Variants in SYT14 observed in about 807,000 individuals in gnomAD.
The protein encoded by SYT14 is synaptotagmin 14, also known as synaptotagmin-14.
Under a neutral mutation model 74.2 loss-of-function variants are expected in SYT14, and 32 were observed. The observed-to-expected ratio is 0.43, with a 90% CI of 0.33 to 0.58. The LOEUF is 0.58. Ranked by LOEUF, SYT14 falls within the 20% of genes least tolerant of loss-of-function variation. The pLI is 0.05. For synonymous variants in SYT14, 298 were observed against 337.7 expected, an observed-to-expected ratio of 0.88 and a Z score of 1.29; for missense variants, 791 against 981.8, an observed-to-expected ratio of 0.81 and a Z score of 2.60.
intron 5 of SYT14, among the ~76,000 whole-genome samples, chr1:210,059,803 C>T (rs1018027643): frequency 6.6e-6 from 1 of 152,086 alleles, no homozygotes; most frequent in Non-Finnish European, 1.5e-5. Flanking sequence ...TGGATTGTTA[C>T]ATTCACTTCA....
chr1:209,954,769 G>A (rs369024079), intron 2 of SYT14, among the ~76,000 whole-genome samples: 26 of 150,254 alleles, frequency 1.7e-4, no homozygotes, highest in African/African-American at 5.4e-4. Flanking sequence ...GCAGTGGTAC[G>A]ATCTTGGCCC....
intron 5 of SYT14, among the ~76,000 whole-genome samples, chr1:210,037,363 C>A (rs1358812494): frequency 2.6e-5 from 4 of 151,854 alleles, no homozygotes; most frequent in Non-Finnish European, 4.4e-5. Context: ...TTTTGATTAT[C>A]TTTTCAAAGA....
intron 5 of SYT14, among the ~76,000 whole-genome samples, chr1:210,035,734 C>G (rs1438593265): frequency 1.3e-5 from 2 of 151,728 alleles, no homozygotes. Flanking sequence ...TCAGTTATTT[C>G]TGGGTTCTCT....
intron 5 of SYT14, among the ~76,000 whole-genome samples, chr1:210,031,089 C>CTTTTT (rs35900057): frequency 7.7e-5 from 8 of 104,316 alleles, no homozygotes; most frequent in African/African-American, 1.1e-4. Flanking sequence ...CCATGCCTGT[C>CTTTTT]TTTTTTTTTT....
intron 2 of SYT14, among the ~76,000 whole-genome samples, chr1:210,001,814 G>A (rs1218068614): frequency 1.3e-5 from 2 of 152,086 alleles, no homozygotes; most frequent in Admixed American, 1.3e-4. Flanking sequence ...AGCAGAGGGG[G>A]AACATCCAGG....
At chr1:210,135,803 G>C (rs571978321) in intron 7 of SYT14, among the ~76,000 whole-genome samples, 5 of 152,174 alleles carry the variant, frequency 3.3e-5, no homozygotes, top group African/African-American at 1.2e-4. Flanking sequence ...TAGAAAACTA[G>C]ACATTGTTTA....
At chr1:210,126,061 T>C (rs2082562642) in intron 7 of SYT14, among the ~76,000 whole-genome samples, 1 of 151,990 alleles carries the variant, frequency 6.6e-6, no homozygotes, top group Admixed American at 6.6e-5. Flanking sequence ...AAATTCACTG[T>C]GTGTGGTGGT....
rs144715068 is a variant in SYT14 at position 210,022,202 on chromosome 1, T to C, written c.1312+948T>C. On this transcript the variant is annotated intron_variant, in intron 5 of 9. Coordinates refer to ENST00000637265, the Ensembl canonical transcript of SYT14. ...GATGACTTAAAGTTTTATCCCAGCATGTACAGTTGTCAAAGGGGGTAAATC... is the reference window on the plus strand; with the variant it reads ...GATGACTTAAAGTTTTATCCCAGCACGTACAGTTGTCAAAGGGGGTAAATC... 2.5e-3 allele frequency among the ~76,000 whole-genome samples: 378 copies of C among 152,342 alleles called. 1 individual carries two copies. Among genetic ancestry groups the C allele is most frequent in the African/African-American group, 5.6e-3 (231 of 41,588 alleles).
At chr1:210,162,402 C>T (rs1025388011) in exon 10 of SYT14, 21 of 403,420 alleles carry the variant, frequency 5.2e-5, no homozygotes, top group African/African-American at 2.9e-4. Context: ...AATGGCAAGG[C>T]ACTTTCATTT....
chr1:210,169,604 T>C (rs1179169578), exon 10 of SYT14: 1 of 152,132 alleles, frequency 6.6e-6, no homozygotes, highest in Non-Finnish European at 1.5e-5. Flanking sequence ...ATTGCTTTTT[T>C]GTGGTGAATA....
intron 7 of SYT14, among the ~76,000 whole-genome samples, chr1:210,102,861 A>T (rs2082092753): frequency 6.6e-6 from 1 of 150,620 alleles, no homozygotes; most frequent in African/African-American, 2.5e-5. Context: ...TTTTTTTTTT[A>T]GAAATCGAGT....
intron 2 of SYT14, among the ~76,000 whole-genome samples, chr1:209,971,310 A>C (rs1446032919): frequency 6.6e-6 from 1 of 152,088 alleles, no homozygotes; most frequent in Non-Finnish European, 1.5e-5. Flanking sequence ...TTCTCGGCAT[A>C]GCATCATATC....
intron 1 of SYT14, among the ~76,000 whole-genome samples, chr1:209,951,468 T>G (rs929380001): frequency 1.3e-5 from 2 of 152,190 alleles, no homozygotes; most frequent in African/African-American, 4.8e-5. Flanking sequence ...CAGAATTTCC[T>G]TCTTTTTTTA....
At chr1:209,940,011 CTG>C (rs1232844937) in intron 1 of SYT14, among the ~76,000 whole-genome samples, 2 of 152,142 alleles carry the variant, frequency 1.3e-5, no homozygotes, top group Non-Finnish European at 2.9e-5. Context: ...AGAGATTCTT[CTG>C]TGTTTGAGAT....
chr1:210,061,336 A>T (rs2081204149), intron 5 of SYT14, among the ~76,000 whole-genome samples: 1 of 152,030 alleles, frequency 6.6e-6, no homozygotes, highest in South Asian at 2.1e-4. Context: ...GCTTCTGGGA[A>T]GAAAAATTAT....
At chr1:209,976,043 G>A (rs978974299) in intron 2 of SYT14, among the ~76,000 whole-genome samples, 12 of 152,022 alleles carry the variant, frequency 7.9e-5, no homozygotes, top group Non-Finnish European at 1.3e-4. Flanking sequence ...TGGGATTGGT[G>A]GTGATATCCC....
intron 2 of SYT14, among the ~76,000 whole-genome samples, chr1:210,000,424 G>A (rs2079872887): frequency 6.7e-6 from 1 of 149,622 alleles, no homozygotes; most frequent in Non-Finnish European, 1.5e-5. Context: ...TATTAGACTT[G>A]CCAAAGTATG....
intron 5 of SYT14, among the ~76,000 whole-genome samples, chr1:210,053,030 T>C (rs2081031912): frequency 6.6e-6 from 1 of 152,174 alleles, no homozygotes; most frequent in South Asian, 2.1e-4. Flanking sequence ...TTTCCTTTAT[T>C]TGTACATAAG....
intron 7 of SYT14, among the ~76,000 whole-genome samples, chr1:210,112,690 A>C (rs555857504): frequency 6.6e-6 from 1 of 150,934 alleles, no homozygotes; most frequent in Admixed American, 6.6e-5. Context: ...GCAGTGAATG[A>C]CTCCAGCTTC....
Sources: allele counts gnomAD v4.1 joint callset (sites outside exome capture counted in the v4.1 genomes callset), GRCh38; gene constraint gnomAD v4.1.1; transcripts MANE v1.5; gene names NCBI Gene and HGNC (gene_info 2026-07-23, HGNC 2026-07-21).